The following OSBPL8 variants were observed in gnomAD, a reference collection of about 807,000 sequenced individuals.
OSBPL8 encodes oxysterol binding protein like 8.
In OSBPL8, 59 loss-of-function variants were observed where a neutral mutation model predicts 125.5. The ratio of observed to expected loss-of-function variants is 0.47; its 90% CI spans 0.38 to 0.58. The LOEUF (loss-of-function observed/expected upper bound fraction) is 0.58, where lower values mean the gene tolerates loss of function less well. OSBPL8 is among the 20% of genes least tolerant of loss of function. The pLI is 0.00. For missense variants in OSBPL8, 758 were observed against 1,047.8 expected (o/e 0.72, Z 3.82); for synonymous variants, 330 against 338.9 (o/e 0.97, Z 0.29).
intron 4 of OSBPL8, among the ~76,000 whole-genome samples, chr12:76,412,326 G>C (rs1390580213): frequency 3.3e-5 from 5 of 152,094 alleles, no homozygotes; most frequent in African/African-American, 1.2e-4. Flanking sequence ...ATACTGACTC[G>C]GAGGGGTGTG....
At chr12:76,408,420 C>G (rs1156710528) in intron 5 of OSBPL8, among the ~76,000 whole-genome samples, 1 of 142,876 alleles carries the variant, frequency 7.0e-6, no homozygotes, top group Non-Finnish European at 1.5e-5. Flanking sequence ...CGAGATCGCA[C>G]CACTGTACTC....
chr12:76,553,638 C>G (rs1951008331), intron 1 of OSBPL8, among the ~76,000 whole-genome samples: 1 of 150,954 alleles, frequency 6.6e-6, no homozygotes, highest in Non-Finnish European at 1.5e-5. Flanking sequence ...GTGAGTGCCA[C>G]TGCACTCCAG....
chr12:76,457,374 G>A (rs1874185915), intron 3 of OSBPL8, among the ~76,000 whole-genome samples: 1 of 152,124 alleles, frequency 6.6e-6, no homozygotes, highest in Non-Finnish European at 1.5e-5. Flanking sequence ...ATAGATTTGT[G>A]TATATTTTAA....
intron 4 of OSBPL8, among the ~76,000 whole-genome samples, chr12:76,435,857 A>C (rs932244930): frequency 6.6e-6 from 1 of 152,140 alleles, no homozygotes; most frequent in Non-Finnish European, 1.5e-5. Context: ...CAAAACTTTC[A>C]AAACATCAAT....
intron 5 of OSBPL8, among the ~76,000 whole-genome samples, chr12:76,407,476 G>A (rs1954316779): frequency 6.6e-6 from 1 of 152,140 alleles, no homozygotes; most frequent in African/African-American, 2.4e-5. Context: ...TTAAACTCCT[G>A]AGCTCAAGCA....
chr12:76,458,386 T>C (rs997495635), intron 3 of OSBPL8, among the ~76,000 whole-genome samples: 2 of 151,854 alleles, frequency 1.3e-5, no homozygotes, highest in Non-Finnish European at 2.9e-5. Context: ...TTTTGAGTTA[T>C]TGCATTTAAG....
chr12:76,553,475 G>A (rs1353186611), intron 1 of OSBPL8, among the ~76,000 whole-genome samples: 2 of 147,572 alleles, frequency 1.4e-5, no homozygotes, highest in East Asian at 2.0e-4. Flanking sequence ...ACCAAGCTGG[G>A]CAACATAGTG....
intron 19 of OSBPL8, among the ~76,000 whole-genome samples, chr12:76,370,784 T>C (rs1952591357): frequency 6.6e-6 from 1 of 152,194 alleles, no homozygotes; most frequent in African/African-American, 2.4e-5. Context: ...CAGAGAATGA[T>C]ATGTATGTGC....
intron 5 of OSBPL8, among the ~76,000 whole-genome samples, chr12:76,407,133 A>T (rs541452235): frequency 6.6e-6 from 1 of 152,372 alleles, no homozygotes; most frequent in South Asian, 2.1e-4. Context: ...TGTTTTCCAA[A>T]ATTACTCAGA....
chr12:76,373,462 T>A, intron 17 of OSBPL8, 29 bp from the exon 18 acceptor site: 1 of 1,479,326 alleles, frequency 6.8e-7, no homozygotes, highest in Non-Finnish European at 9.3e-7. Flanking sequence ...TTAAACATTT[T>A]ACTTTTCACT....
intron 4 of OSBPL8, among the ~76,000 whole-genome samples, chr12:76,427,411 AAAT>A (rs1360590883): frequency 5.3e-5 from 8 of 152,174 alleles, no homozygotes; most frequent in African/African-American, 4.8e-5. Context: ...AGTAGTAATA[AAAT>A]AATAACATTA....
intron 7 of OSBPL8, 62 bp from the exon 8 acceptor site, chr12:76,397,959 A>G (rs1953884525): frequency 1.5e-6 from 2 of 1,378,714 alleles, no homozygotes; most frequent in African/African-American, 1.5e-5. Flanking sequence ...AAACGAAAAT[A>G]CTGCAAATAA....
chr12:76,445,627 T>C (rs1401455664), intron 4 of OSBPL8, among the ~76,000 whole-genome samples: 4 of 152,070 alleles, frequency 2.6e-5, no homozygotes, highest in African/African-American at 9.7e-5. Flanking sequence ...TGCTCAAACA[T>C]CATCAGTAAT....
intron 8 of OSBPL8, among the ~76,000 whole-genome samples, chr12:76,395,853 G>A (rs892353589): frequency 2.0e-5 from 3 of 151,918 alleles, no homozygotes; most frequent in African/African-American, 7.2e-5. Context: ...AGTAGGTTTT[G>A]CTTGTGGGAA....
chr12:76,396,413 T>C (rs1953805713), intron 8 of OSBPL8, among the ~76,000 whole-genome samples: 1 of 152,184 alleles, frequency 6.6e-6, no homozygotes, highest in South Asian at 2.1e-4. Context: ...CTACCTTCTT[T>C]ATTCTACGAT....
At chr12:76,531,775 C>A (rs143491571) in intron 1 of OSBPL8, among the ~76,000 whole-genome samples, 1 of 152,062 alleles carries the variant, frequency 6.6e-6, no homozygotes, top group Admixed American at 6.5e-5. Flanking sequence ...CGGTGGCTCA[C>A]GCCTGTAATC....
chr12:76,440,410 A>C (rs1872045307), intron 4 of OSBPL8, among the ~76,000 whole-genome samples: 1 of 151,960 alleles, frequency 6.6e-6, no homozygotes. Context: ...TTTTTTATTG[A>C]TTTTAAATTA....
At chr12:76,479,500 C>G (rs1008499755) in intron 2 of OSBPL8, among the ~76,000 whole-genome samples, 7 of 152,104 alleles carry the variant, frequency 4.6e-5, no homozygotes, top group Admixed American at 1.3e-4. Flanking sequence ...ATACCACTAT[C>G]GAAATAACAG....
chr12:76,381,045 C>G (rs576943866), intron 15 of OSBPL8, among the ~76,000 whole-genome samples: 1 of 152,060 alleles, frequency 6.6e-6, no homozygotes, highest in Non-Finnish European at 1.5e-5. Flanking sequence ...GGTAAACCAA[C>G]CTTGTATTCC....
Sources: allele counts gnomAD v4.1 joint callset (sites outside exome capture counted in the v4.1 genomes callset), GRCh38; gene constraint gnomAD v4.1.1; transcripts MANE v1.5; gene names NCBI Gene and HGNC (gene_info 2026-07-23, HGNC 2026-07-21).